The following KCND2 variants were observed in gnomAD, a reference collection of about 807,000 sequenced individuals.
KCND2 encodes the protein potassium voltage-gated channel subfamily D member 2, also known as A-type voltage-gated potassium channel KCND2.
A neutral mutation model predicts 54.4 loss-of-function variants in KCND2; 16 were observed. The observed-to-expected ratio is 0.29, with a 90% confidence interval of 0.20 to 0.45. The LOEUF (loss-of-function observed/expected upper bound fraction) is 0.45. Ranked by LOEUF, KCND2 falls within the 20% of genes least tolerant of loss-of-function variation. The pLI is 1.00. For missense variants in KCND2, 486 were observed against 824.2 expected, an observed-to-expected ratio of 0.59 and a Z score of 5.02; for synonymous variants, 317 against 310.7, an observed-to-expected ratio of 1.02 and a Z score of -0.21.
chr7:120,566,137 C>T (rs1792294379), intron 1 of KCND2, among the ~76,000 whole-genome samples: 1 of 152,104 alleles, frequency 6.6e-6, no homozygotes, highest in Non-Finnish European at 1.5e-5. Flanking sequence ...ATATGTATGT[C>T]AACTCTGCCA....
chr7:120,480,344 C>T (rs1802590268), intron 1 of KCND2, among the ~76,000 whole-genome samples: 1 of 152,060 alleles, frequency 6.6e-6, no homozygotes, highest in South Asian at 2.1e-4. Context: ...AATACTGATA[C>T]CAGCCCCCAA....
At chr7:120,545,925 G>A (rs1792037063) in intron 1 of KCND2, among the ~76,000 whole-genome samples, 1 of 151,636 alleles carries the variant, frequency 6.6e-6, no homozygotes, top group Non-Finnish European at 1.5e-5. Flanking sequence ...TCATTAATTT[G>A]TGAATTCATG....
chr7:120,724,536 G>C (rs543095313), intron 1 of KCND2, among the ~76,000 whole-genome samples: 1 of 152,168 alleles, frequency 6.6e-6, no homozygotes, highest in Non-Finnish European at 1.5e-5. Flanking sequence ...GGTGTATGTG[G>C]GTGAACAGTG....
chr7:120,541,855 C>T (rs997173775), intron 1 of KCND2, among the ~76,000 whole-genome samples: 2 of 152,098 alleles, frequency 1.3e-5, no homozygotes, highest in African/African-American at 4.8e-5. Flanking sequence ...ACACCCAGGG[C>T]AATTCATTTG....
chr7:120,573,028 G>T (rs1046141631), intron 1 of KCND2, among the ~76,000 whole-genome samples: 1 of 152,014 alleles, frequency 6.6e-6, no homozygotes, highest in African/African-American at 2.4e-5. Flanking sequence ...AAATATATTT[G>T]TTAGACCATA....
chr7:120,351,921 C>T (rs1800414153), intron 1 of KCND2, among the ~76,000 whole-genome samples: 1 of 152,022 alleles, frequency 6.6e-6, no homozygotes, highest in African/African-American at 2.4e-5. Flanking sequence ...AAGCAATTCT[C>T]CTGCCTCAGC....
chr7:120,342,410 A>T (rs548181107), intron 1 of KCND2, among the ~76,000 whole-genome samples: 23 of 152,284 alleles, frequency 1.5e-4, no homozygotes, highest in Non-Finnish European at 1.6e-4. Flanking sequence ...TGTAACAAAG[A>T]TAGACTTCTG....
intron 1 of KCND2, among the ~76,000 whole-genome samples, chr7:120,692,788 G>C (rs1341467813): frequency 6.6e-6 from 1 of 152,084 alleles, no homozygotes; most frequent in African/African-American, 2.4e-5. Context: ...GCCCCTGTGG[G>C]GCATTTCACA....
At chr7:120,633,584 C>T (rs760311934) in intron 1 of KCND2, among the ~76,000 whole-genome samples, 3 of 152,104 alleles carry the variant, frequency 2.0e-5, no homozygotes, top group Non-Finnish European at 4.4e-5. Flanking sequence ...TCTTATATAA[C>T]TCTCCCCCCA....
intron 1 of KCND2, among the ~76,000 whole-genome samples, chr7:120,366,978 A>G (rs1407453257): frequency 6.6e-6 from 1 of 152,064 alleles, no homozygotes. Flanking sequence ...GATAATATAC[A>G]TGAGAGCACT....
intron 1 of KCND2, among the ~76,000 whole-genome samples, chr7:120,331,052 C>G (rs572841011): frequency 6.6e-6 from 1 of 152,158 alleles, no homozygotes; most frequent in Admixed American, 6.5e-5. Flanking sequence ...CTTTCTTAAT[C>G]ATTGTGTAAG....
chr7:120,741,755 T>G (rs1039337545), intron 3 of KCND2, 126 bp downstream of exon 3: 5 of 759,778 alleles, frequency 6.6e-6, no homozygotes, highest in Admixed American at 2.0e-5. Context: ...AAAAGTGTGT[T>G]TGTTTGTGTT....
intron 1 of KCND2, among the ~76,000 whole-genome samples, chr7:120,558,900 A>C (rs1473553390): frequency 2.0e-5 from 3 of 152,160 alleles, no homozygotes; most frequent in African/African-American, 7.2e-5. Context: ...AAGGAGATGA[A>C]TGGTCCATAG....
At chr7:120,513,654 A>G (rs1279789282) in intron 1 of KCND2, among the ~76,000 whole-genome samples, 1 of 152,116 alleles carries the variant, frequency 6.6e-6, no homozygotes, top group African/African-American at 2.4e-5. Context: ...AAATAGTTAC[A>G]ATAGTTGAGA....
intron 1 of KCND2, among the ~76,000 whole-genome samples, chr7:120,615,047 G>T (rs1793006218): frequency 6.6e-6 from 1 of 152,126 alleles, no homozygotes; most frequent in Non-Finnish European, 1.5e-5. Context: ...TATCTACAGA[G>T]GAAGAAATGG....
intron 1 of KCND2, among the ~76,000 whole-genome samples, chr7:120,677,562 T>G (rs1303815772): frequency 4.0e-5 from 5 of 126,324 alleles, no homozygotes; most frequent in Admixed American, 3.1e-4. Flanking sequence ...TATAGATATA[T>G]AGATATATAG....
intron 1 of KCND2, among the ~76,000 whole-genome samples, chr7:120,611,808 C>T (rs1230073054): frequency 6.6e-6 from 1 of 152,176 alleles, no homozygotes; most frequent in African/African-American, 2.4e-5. Context: ...GGAGTCATCA[C>T]AGGGCTCTTG....
chr7:120,623,171 C>T (rs937677581), intron 1 of KCND2, among the ~76,000 whole-genome samples: 2 of 152,126 alleles, frequency 1.3e-5, no homozygotes, highest in African/African-American at 4.8e-5. Flanking sequence ...ATACTAGTTA[C>T]TGTATACCAT....
At position 120,386,564 on chromosome 7, in the gene KCND2, C is replaced by T. The variant is rs76527632; in HGVS notation, c.1115+110817C>T. On this transcript the variant is annotated intron_variant, in intron 1 of 5. Coordinates refer to ENST00000331113, the MANE Select transcript of KCND2 (RefSeq NM_012281.3). ...CAATTAGCAATGCTTCTTAAAAAGC[C>T]AAAAGAATTAGAATTATGACATCCC... Among the ~76,000 whole-genome samples, 1,274 of 152,132 alleles carry T rather than the reference C, an allele frequency of 8.4e-3. 59 individuals carry two copies. In the East Asian group the frequency reaches 0.11, roughly 13 times the overall value.
Sources: gnomAD v4.1 joint callset for allele counts (sites outside exome capture counted in the v4.1 genomes callset) on GRCh38, gnomAD v4.1.1 for gene constraint, MANE v1.5 for transcripts, NCBI Gene and HGNC (gene_info 2026-07-23, HGNC 2026-07-21) for gene names.